Variants in ABCC9 observed in about 807,000 individuals in gnomAD.
ABCC9 encodes the protein ATP-binding cassette sub-family C member 9.
A neutral mutation model predicts 188.3 loss-of-function variants in ABCC9; 95 were observed. That is an observed-to-expected ratio of 0.50 (90% CI 0.43 to 0.60). The LOEUF (loss-of-function observed/expected upper bound fraction) is 0.60, where lower values mean the gene tolerates loss of function less well. ABCC9 is among the 20% of genes least tolerant of loss of function. The pLI is 0.00. For synonymous variants in ABCC9, 659 were observed against 652.7 expected (o/e 1.01, Z -0.15); for missense variants, 1,102 against 1,876.3 (o/e 0.59, Z 7.62).
chr12:21,938,394 A>G (rs547729256), intron 2 of ABCC9, among the ~76,000 whole-genome samples: 12 of 152,294 alleles, frequency 7.9e-5, no homozygotes, highest in Admixed American at 7.2e-4. Context: ...ATTAATCTGG[A>G]TAAAAGAATA....
intron 14 of ABCC9, among the ~76,000 whole-genome samples, 174 bp downstream of exon 14, chr12:21,893,858 T>G (rs541556333): frequency 6.6e-6 from 1 of 152,216 alleles, no homozygotes; most frequent in African/African-American, 2.4e-5. Flanking sequence ...TTTTGAAAAA[T>G]TATTTTTACA....
At chr12:21,916,774 CATT>C (rs1948617533) in intron 6 of ABCC9, among the ~76,000 whole-genome samples, 160 bp downstream of exon 6, 1 of 152,142 alleles carries the variant, frequency 6.6e-6, no homozygotes, top group Admixed American at 6.6e-5. Flanking sequence ...ATTTCTGAAA[CATT>C]AATGGCCTGA....
chr12:21,815,028 C>G (rs897070335), intron 34 of ABCC9, among the ~76,000 whole-genome samples: 4 of 151,844 alleles, frequency 2.6e-5, no homozygotes, highest in Non-Finnish European at 4.4e-5. Context: ...ACAAAAAATA[C>G]ACAAATTAGC....
At chr12:21,838,937 A>G (rs1337979853) in intron 29 of ABCC9, among the ~76,000 whole-genome samples, 1 of 152,132 alleles carries the variant, frequency 6.6e-6, no homozygotes. Flanking sequence ...GAGGCAGGAG[A>G]ATCACCTGAA....
intron 15 of ABCC9, among the ~76,000 whole-genome samples, chr12:21,887,610 CTT>C (rs1387469324): frequency 2.0e-5 from 3 of 152,038 alleles, no homozygotes; most frequent in Non-Finnish European, 4.4e-5. Flanking sequence ...CGTCTTGTCT[CTT>C]AGGATAATTT....
chr12:21,832,889 G>C (rs1943854155), intron 30 of ABCC9, among the ~76,000 whole-genome samples: 1 of 152,150 alleles, frequency 6.6e-6, no homozygotes, highest in African/African-American at 2.4e-5. Context: ...CCATTAACCA[G>C]TGAGTGGGTA....
In ABCC9 at chr12:21,883,295, T is replaced by A. The variant is rs528707194; in HGVS notation, c.1912-422A>T. ...TTTGGCTGTTGCGGGAGGGACCTAG[T>A]GGGAGGTAATTGAATCATGGGTGTG... On this transcript the variant is annotated intron_variant, in intron 15 of 39. Transcript: ENST00000261200. 1.2e-4 allele frequency among the ~76,000 whole-genome samples: 19 copies of A among 152,292 alleles called. No individual in the cohort carries two copies. In the East Asian group the frequency reaches 3.7e-3, roughly 29 times the overall value.
intron 2 of ABCC9, among the ~76,000 whole-genome samples, chr12:21,939,496 C>T (rs559164890): frequency 1.3e-5 from 2 of 152,302 alleles, no homozygotes; most frequent in South Asian, 2.1e-4. Context: ...ATGTTTCCCT[C>T]CCAGACACCA....
chr12:21,925,352 A>C, intron 5 of ABCC9: 1 of 558,634 alleles, frequency 1.8e-6, no homozygotes, highest in Non-Finnish European at 3.2e-6. Context: ...AGAGAGGCTA[A>C]TAAAACAATT....
At chr12:21,809,451 C>A (rs1942079858) in intron 37 of ABCC9, among the ~76,000 whole-genome samples, 1 of 152,166 alleles carries the variant, frequency 6.6e-6, no homozygotes, top group African/African-American at 2.4e-5. Context: ...AATTGCCTTT[C>A]CCTAAGTGGT....
At position 21,908,163 on chromosome 12, in the gene ABCC9, A is replaced by C. The variant is rs1307619597; in HGVS notation, c.1369T>G (p.Leu457Val). 3 of 1,612,686 alleles carry C rather than the reference A, an allele frequency of 1.9e-6. No individual in the cohort carries two copies. The highest frequency in any genetic ancestry group is 2.5e-6 in the Non-Finnish European group (3 of 1,179,050). Residue 457 changes from leucine to valine, a missense_variant, in exon 11 of 40, where the codon TTG (leucine) becomes GTG (valine). Transcript: ENST00000261200. ...LLYNLLGSSALVGAAVIVLLA... is the reference protein window; with the variant it reads ...LLYNLLGSSAVVGAAVIVLLA... ...AGCACAATGACAGCTGCACCGACCAATGCACTTGATCCAAGTAAATTATAG... is the reference window on the plus strand; with the variant it reads ...AGCACAATGACAGCTGCACCGACCACTGCACTTGATCCAAGTAAATTATAG...
At chr12:21,923,572 C>T (rs764704630) in intron 5 of ABCC9, 10 of 378,896 alleles carry the variant, frequency 2.6e-5, no homozygotes, top group African/African-American at 1.7e-4. Flanking sequence ...AAATTAAAAC[C>T]GCAATGTATT....
rs141706012 is a variant in ABCC9 at position 21,874,515 on chromosome 12, T to A, written c.2092+1139A>T. Reference sequence around the variant, plus strand: ...CAGCAATCCCACTTCTGGGTATTTATGCAAGCGAATCAGAATTAGGGTCTC... The same window carrying A: ...CAGCAATCCCACTTCTGGGTATTTAAGCAAGCGAATCAGAATTAGGGTCTC... On this transcript the variant is annotated intron_variant, in intron 17 of 39. Transcript: ENST00000261200. Among the ~76,000 whole-genome samples, 1,462 of 152,304 alleles carry A rather than the reference T, an allele frequency of 9.6e-3. 10 individuals carry two copies. Among genetic ancestry groups the A allele is most frequent in the Middle Eastern group, 0.037 (11 of 294 alleles).
chr12:21,884,414 G>C (rs1003026914), intron 15 of ABCC9, among the ~76,000 whole-genome samples: 1 of 152,082 alleles, frequency 6.6e-6, no homozygotes, highest in African/African-American at 2.4e-5. Context: ...AGACTATGAA[G>C]GCTAAGTAAT....
rs111347052 is a variant in ABCC9, at chr12:21,858,292, G to A, written c.2505+1294C>T. On this transcript the variant is annotated intron_variant, in intron 22 of 39. Transcript: ENST00000261200. ...ATCCATTATTATAAAAAGAATTTAC[G>A]GCTGGGCACAGTGGCTCACAACTGT... Among the ~76,000 whole-genome samples, 336 of 152,018 alleles carry A rather than the reference G, an allele frequency of 2.2e-3. 1 individual carries two copies. The highest frequency in any genetic ancestry group is 7.9e-3 in the African/African-American group (328 of 41,470).
At chr12:21,803,150 C>T (rs1941581519) in intron 39 of ABCC9, among the ~76,000 whole-genome samples, 1 of 151,736 alleles carries the variant, frequency 6.6e-6, no homozygotes, top group African/African-American at 2.4e-5. Context: ...TGAGAAAGGA[C>T]CAGAGCCATT....
chr12:21,876,159 G>A (rs949242247), intron 16 of ABCC9, among the ~76,000 whole-genome samples: 9 of 152,282 alleles, frequency 5.9e-5, no homozygotes, highest in African/African-American at 1.7e-4. Context: ...CTATTTAGTG[G>A]TATAAATGAA....
chr12:21,927,268 A>G (rs915708430), intron 4 of ABCC9, among the ~76,000 whole-genome samples: 9 of 152,224 alleles, frequency 5.9e-5, no homozygotes, highest in African/African-American at 2.2e-4. Context: ...TGGAAAACTG[A>G]AACACTTGAA....
intron 4 of ABCC9, among the ~76,000 whole-genome samples, chr12:21,930,411 C>T (rs1478000405): frequency 6.6e-6 from 1 of 151,732 alleles, no homozygotes; most frequent in Non-Finnish European, 1.5e-5. Context: ...TTTTTTTTTA[C>T]AAATGAGGTT....
Sources: gnomAD v4.1 joint callset for allele counts (sites outside exome capture counted in the v4.1 genomes callset) on GRCh38, gnomAD v4.1.1 for gene constraint, MANE v1.5 for transcripts, NCBI Gene and HGNC (gene_info 2026-07-23, HGNC 2026-07-21) for gene names.